OSBPL5: variants seen among roughly 807,000 people sequenced by gnomAD.
OSBPL5 encodes oxysterol binding protein like 5.
OSBPL5 carries 71 observed loss-of-function variants against 111.2 expected under a neutral mutation model. The observed-to-expected ratio is 0.64, with a 90% confidence interval of 0.53 to 0.78. The LOEUF (loss-of-function observed/expected upper bound fraction) is 0.78. Among genes scored for constraint, OSBPL5 ranks in the 30% least tolerant of loss-of-function variants. OSBPL5 has a pLI of 0.00. For missense variants in OSBPL5, 1,210 were observed against 1,189.3 expected, an observed-to-expected ratio of 1.02 and a Z score of -0.26; for synonymous variants, 549 against 513.9, an observed-to-expected ratio of 1.07 and a Z score of -0.93.
chr11:3,089,524 C>A (rs1856986264), intron 21 of OSBPL5, among the ~76,000 whole-genome samples: 1 of 152,234 alleles, frequency 6.6e-6, no homozygotes, highest in African/African-American at 2.4e-5. Context: ...TCGCTCTGCA[C>A]ACCTCAAGGT....
chr11:3,147,340 G>A (rs1419830488), intron 1 of OSBPL5, among the ~76,000 whole-genome samples: 1 of 152,244 alleles, frequency 6.6e-6, no homozygotes, highest in Non-Finnish European at 1.5e-5. Flanking sequence ...ATGGGCCTGG[G>A]CACGGCTCCT....
intron 6 of OSBPL5, chr11:3,119,925 A>G (rs57932176): frequency 0.15 from 72,325 of 469,722 alleles, 5,893 homozygotes; most frequent in Middle Eastern, 0.21. Flanking sequence ...AGGATGCCCA[A>G]TGATGTTCGA....
chr11:3,145,964 A>C (rs1460872020), intron 1 of OSBPL5, among the ~76,000 whole-genome samples: 1 of 152,092 alleles, frequency 6.6e-6, no homozygotes, highest in African/African-American at 2.4e-5. Context: ...ACAATCGGCA[A>C]ATGTGCTCTG....
chr11:3,114,765 A>AT lies in OSBPL5; in HGVS notation c.691+4781dup, dbSNP rs900436124. Among the ~76,000 whole-genome samples, 196 of 149,852 alleles carry AT rather than the reference A, an allele frequency of 1.3e-3. 1 individual carries two copies. The highest frequency in any genetic ancestry group is 4.4e-3 in the African/African-American group (181 of 40,864). On this transcript the variant is annotated intron_variant, in intron 7 of 21. Coordinates refer to ENST00000263650, the MANE Select transcript of OSBPL5 (RefSeq NM_020896.4). The stretch of plus-strand genomic sequence containing the variant: ...AGGCGCCCGCCACCACGCCTGGCTA[A>AT]TTTTTTTTTGTATTTTTAGTAGAGA...
chr11:3,096,590 G>A (rs1857261630), intron 14 of OSBPL5, among the ~76,000 whole-genome samples: 2 of 144,992 alleles, frequency 1.4e-5, no homozygotes, highest in Admixed American at 7.1e-5. Context: ...TTGCACTCTA[G>A]CCTGGGCAAC....
intron 14 of OSBPL5, 194 bp from the exon 15 acceptor site, chr11:3,094,528 G>C: frequency 1.8e-6 from 1 of 565,938 alleles, no homozygotes; most frequent in Non-Finnish European, 3.2e-6. Context: ...GGGAGAGGCT[G>C]GTGGGGGTGC....
intron 4 of OSBPL5, 124 bp downstream of exon 4, chr11:3,122,224 G>C: frequency 7.7e-7 from 1 of 1,306,978 alleles, no homozygotes. Flanking sequence ...GAAGTAGGGG[G>C]TGTGGAGGCG....
At chr11:3,143,107 GA>G (rs1846189013) in intron 1 of OSBPL5, among the ~76,000 whole-genome samples, 1 of 84,004 alleles carries the variant, frequency 1.2e-5, no homozygotes, top group African/African-American at 5.0e-5. Context: ...GGCAGGTGCA[GA>G]GCCGGGCAGA....
intron 15 of OSBPL5, 38 bp from the exon 16 acceptor site, chr11:3,093,873 G>C: frequency 6.3e-7 from 1 of 1,585,828 alleles, no homozygotes; most frequent in East Asian, 2.3e-5. Flanking sequence ...CAGTGAGCGG[G>C]GGCTGGGGCC....
chr11:3,088,452 C>G (rs989552209), intron 21 of OSBPL5, 109 bp from the exon 22 acceptor site: 1 of 1,250,388 alleles, frequency 8.0e-7, no homozygotes, highest in African/African-American at 1.6e-5. Context: ...GACACAGGGC[C>G]GAGGTGGAGA....
chr11:3,159,698 G>A (rs942600973), intron 1 of OSBPL5, among the ~76,000 whole-genome samples: 4 of 152,162 alleles, frequency 2.6e-5, no homozygotes, highest in African/African-American at 4.8e-5. Flanking sequence ...CCAGGGCCAC[G>A]GCTGGGTGGG....
At chr11:3,148,821 C>T (rs547669700) in intron 1 of OSBPL5, among the ~76,000 whole-genome samples, 163 of 152,296 alleles carry the variant, frequency 1.1e-3, no homozygotes, top group Non-Finnish European at 2.0e-3. Context: ...AGGTGACAAC[C>T]AGCTAGATAA....
At chr11:3,094,010 T>C (rs115331804) in intron 15 of OSBPL5, among the ~76,000 whole-genome samples, 175 bp from the exon 16 acceptor site, 215 of 152,212 alleles carry the variant, frequency 1.4e-3, no homozygotes, top group African/African-American at 5.1e-3. Context: ...CTCAAGGATG[T>C]AGTGTCCCTG....
Position 3,093,644 on chromosome 11 carries a change from T to C in OSBPL5, c.1829A>G (p.Lys610Arg). The change falls in exon 17 of 22, where the codon AAG becomes AGG. Residue 610 changes from lysine to arginine, a missense_variant. Lys to Arg is a conservative substitution (Grantham distance 26). Transcript: ENST00000263650. ...SGHWDRDVFI[K>R]EEGSGSSALF... The stretch of plus-strand genomic sequence containing the variant: ...CGCACTGCTTCCGCTCCCTTCCTCC[T>C]TGATAAACACGTCCCTGTCCTGCCC... The C allele has an allele frequency of 6.2e-7, 1 of 1,613,190 alleles. No homozygotes were observed.
At chr11:3,119,768 C>G in intron 6 of OSBPL5, 137 bp from the exon 7 acceptor site, 1 of 735,770 alleles carries the variant, frequency 1.4e-6, no homozygotes, top group Non-Finnish European at 2.1e-6. Flanking sequence ...CAGGTGGGGC[C>G]AGGCACCTGG....
At position 3,088,236 on chromosome 11, in the gene OSBPL5, C is replaced by A. The variant is rs1161042281; in HGVS notation, c.2609G>T (p.Cys870Phe). 19 of 1,604,062 alleles carry A rather than the reference C, an allele frequency of 1.2e-5. No individual in the cohort carries two copies. Among genetic ancestry groups the A allele is most frequent in the Non-Finnish European group, 1.5e-5 (18 of 1,175,100 alleles). ...GAGGATGTGGTTAATGAACAGCTGA[C>A]ACGCCAGGAACACGCAGAGCAGGAA... is the stretch of plus-strand genomic sequence containing the variant. ...SWFLLCVFLA[C>F]QLFINHILK The change falls in exon 22 of 22, where the codon TGT becomes TTT. Residue 870 changes from cysteine (C) to phenylalanine (F), a missense_variant. Physicochemically the swap from Cys to Phe is radical, Grantham distance 205 (BLOSUM62 -2). Coordinates refer to ENST00000263650, the MANE Select transcript of OSBPL5 (RefSeq NM_020896.4).
chr11:3,120,642 G>C lies in OSBPL5; in HGVS notation c.403-18C>G. 1 of 1,609,502 alleles carries C rather than the reference G, an allele frequency of 6.2e-7. No homozygotes were observed. The highest frequency in any genetic ancestry group is 8.5e-7 in the Non-Finnish European group (1 of 1,179,002). On this transcript the variant is annotated intron_variant, in intron 5 of 21. Coordinates refer to ENST00000263650, the MANE Select transcript of OSBPL5 (RefSeq NM_020896.4). Reference sequence around the variant, plus strand: ...CCGCGGATCTGCAGGGAGGATGCTGGCGTCGATGCCCACCCTCTGGGGCCG... The same window carrying C: ...CCGCGGATCTGCAGGGAGGATGCTGCCGTCGATGCCCACCCTCTGGGGCCG...
Position 3,092,610 on chromosome 11 carries a change from G to A in OSBPL5, c.2133-52C>T. On this transcript the variant is annotated intron_variant, in intron 18 of 21. Coordinates refer to ENST00000263650, the MANE Select transcript of OSBPL5 (RefSeq NM_020896.4). The surrounding 1 kb of genome is among the most constrained non-coding windows in gnomAD (Gnocchi z 5.4). ...GCACAGGCAGTGGCCCTCAGGTGAGGGGGCTGTCCTGGCCCAGTCTTCAGC... is the reference window on the plus strand; with the variant it reads ...GCACAGGCAGTGGCCCTCAGGTGAGAGGGCTGTCCTGGCCCAGTCTTCAGC... 1 of 1,515,348 alleles carries A rather than the reference G, an allele frequency of 6.6e-7. No homozygotes were observed. The allele number at this position is 1,515,348 out of a possible 1,614,324, so 93.9% of individuals were successfully genotyped here.
intron 3 of OSBPL5, among the ~76,000 whole-genome samples, chr11:3,123,073 C>G (rs1858480465): frequency 6.6e-6 from 1 of 152,214 alleles, no homozygotes; most frequent in Admixed American, 6.5e-5. Flanking sequence ...ACCCCATCCC[C>G]TGGGAGCCGT....
Sources: allele counts gnomAD v4.1 joint callset (sites outside exome capture counted in the v4.1 genomes callset), GRCh38; gene constraint gnomAD v4.1.1; non-coding constraint Gnocchi (gnomAD v3.1); transcripts MANE v1.5; gene names NCBI Gene and HGNC (gene_info 2026-07-23, HGNC 2026-07-21).